Variants in TTC39B observed in about 807,000 individuals in gnomAD.
The protein encoded by TTC39B is tetratricopeptide repeat protein 39B.
Under a neutral mutation model 96.6 loss-of-function variants are expected in TTC39B, and 92 were observed. The observed-to-expected ratio is 0.95, with a 90% CI of 0.80 to 1.13. The LOEUF (loss-of-function observed/expected upper bound fraction) is 1.13, where lower values mean the gene tolerates loss of function less well. Among genes scored for constraint, TTC39B ranks in the 50% most tolerant of loss-of-function variants. The probability of loss-of-function intolerance (pLI) is 0.00; values close to 1 mark genes in which losing one functional copy is unlikely to be tolerated. For synonymous variants in TTC39B, 367 were observed against 299.4 expected (o/e 1.23, Z -2.33); for missense variants, 955 against 809.3 (o/e 1.18, Z -2.18).
chr9:15,183,240 C>G, intron 16 of TTC39B: 1 of 330,392 alleles, frequency 3.0e-6, no homozygotes, highest in Non-Finnish European at 5.9e-6. Context: ...GTATCTTTAT[C>G]TTATGGCACC....
chr9:15,175,064 C>A lies in TTC39B; in HGVS notation c.1913G>T (p.Ser638Ile), dbSNP rs141433250. Residue 638 changes from serine to isoleucine, a missense_variant, in exon 19 of 20, where the codon AGC becomes ATC. Physicochemically the swap from Ser to Ile is moderately radical, Grantham distance 142. Coordinates refer to ENST00000512701, the Ensembl canonical transcript of TTC39B. ...TATGGCCTTGTCAATTTCCCCCTGG[C>A]TTTTATACAAAGATGCCAATTCAAA... 6.7e-5 allele frequency: 108 copies of A among 1,613,610 alleles called. 2 individuals carry two copies. In the Middle Eastern group the frequency reaches 1.2e-3, roughly 17 times the overall value.
At chr9:15,191,947 C>G (rs998370728) in intron 9 of TTC39B, among the ~76,000 whole-genome samples, 2 of 152,150 alleles carry the variant, frequency 1.3e-5, no homozygotes, top group African/African-American at 4.8e-5. Context: ...CATGTGGATA[C>G]ACACCAAAGG....
intron 2 of TTC39B, among the ~76,000 whole-genome samples, chr9:15,264,757 A>G (rs1823068363): frequency 6.7e-6 from 1 of 149,942 alleles, no homozygotes; most frequent in Admixed American, 6.7e-5. Context: ...ATCTTATAAC[A>G]TCATGTTGTA....
intron 1 of TTC39B, among the ~76,000 whole-genome samples, chr9:15,281,946 G>C (rs983607962): frequency 1.3e-5 from 2 of 152,054 alleles, no homozygotes; most frequent in Non-Finnish European, 2.9e-5. Context: ...CCAAAGTGTT[G>C]AGATTACAGG....
rs568385745 is a variant in TTC39B, at chr9:15,233,677, G to A, written c.276-7665C>T. Among the ~76,000 whole-genome samples, 6 of 152,328 alleles carry A rather than the reference G, an allele frequency of 3.9e-5. 1 individual carries two copies. The South Asian group carries it at 1.2e-3, about 32-fold the overall frequency. On this transcript the variant is annotated intron_variant, in intron 2 of 19. Coordinates refer to ENST00000512701, the Ensembl canonical transcript of TTC39B. ...TCAGTGCTCAATGGTGCCCAGGCTG[G>A]AGTGCAGTGGCGTGATCTCGGCTCG...
Position 15,262,650 on chromosome 9 carries a change from G to A in TTC39B, c.275+5264C>T, listed in dbSNP as rs114539894. Reference sequence around the variant, plus strand: ...TCCAGAGGTAGGAAAAATCTGTGTTGAGAGTGGTAAATTCATTAGGCAGAA... The same window carrying A: ...TCCAGAGGTAGGAAAAATCTGTGTTAAGAGTGGTAAATTCATTAGGCAGAA... On this transcript the variant is annotated intron_variant, in intron 2 of 19. Transcript: ENST00000512701. Among the ~76,000 whole-genome samples, 725 of 152,210 alleles carry A rather than the reference G, an allele frequency of 4.8e-3. 11 individuals are homozygous for A. The highest frequency in any genetic ancestry group is 0.016 in the African/African-American group (677 of 41,538).
At chr9:15,178,173 G>T (rs1818060183) in intron 17 of TTC39B, among the ~76,000 whole-genome samples, 1 of 151,996 alleles carries the variant, frequency 6.6e-6, no homozygotes, top group African/African-American at 2.4e-5. Context: ...CCGGCCTTAA[G>T]ATCTTAATTA....
intron 2 of TTC39B, among the ~76,000 whole-genome samples, chr9:15,265,350 C>T (rs962598227): frequency 6.6e-6 from 1 of 152,188 alleles, no homozygotes; most frequent in Non-Finnish European, 1.5e-5. Context: ...CAGTGAGACC[C>T]GTCCTCCTCT....
intron 1 of TTC39B, among the ~76,000 whole-genome samples, chr9:15,273,925 G>T (rs1240326372): frequency 6.6e-6 from 1 of 152,180 alleles, no homozygotes; most frequent in Admixed American, 6.5e-5. Flanking sequence ...AGGTTCTACG[G>T]AATACAAACA....
At chr9:15,274,793 T>G (rs1215782623) in intron 1 of TTC39B, among the ~76,000 whole-genome samples, 4 of 152,208 alleles carry the variant, frequency 2.6e-5, no homozygotes, top group African/African-American at 9.7e-5. Context: ...TTTTAGATTT[T>G]TTTAATAGAC....
intron 8 of TTC39B, among the ~76,000 whole-genome samples, chr9:15,198,673 G>A (rs943679548): frequency 4.0e-5 from 6 of 151,566 alleles, no homozygotes; most frequent in Non-Finnish European, 8.8e-5. Context: ...TGTTATTAAA[G>A]CAAAAGAAGA....
exon 9 of TTC39B, chr9:15,192,624 C>T (rs778037562): frequency 1.2e-6 from 2 of 1,614,072 alleles, no homozygotes; most frequent in South Asian, 2.2e-5. Flanking sequence ...CTTGACACCC[C>T]CTTCAAACTC....
At chr9:15,293,125 CTA>C (rs1276624738) in intron 1 of TTC39B, among the ~76,000 whole-genome samples, 1 of 152,120 alleles carries the variant, frequency 6.6e-6, no homozygotes, top group Non-Finnish European at 1.5e-5. Context: ...TGTGCCTTTT[CTA>C]TGTTTAGATA....
chr9:15,294,470 T>A (rs1414113915), intron 1 of TTC39B, among the ~76,000 whole-genome samples: 1 of 152,252 alleles, frequency 6.6e-6, no homozygotes, highest in Non-Finnish European at 1.5e-5. Context: ...CAACACCATT[T>A]ATGTGTCAGC....
chr9:15,190,778 G>A lies in TTC39B; in HGVS notation c.997-116C>T, dbSNP rs562051193. ...TACAAGTACAGATTTCATATATTAC[G>A]CTGTGGTGAAGTCTGGGCTTTTAGT... On this transcript the variant is annotated intron_variant, in intron 10 of 19. Transcript: ENST00000512701. 2.0e-4 allele frequency: 164 copies of A among 820,878 alleles called. 1 individual carries two copies. In the South Asian group the frequency reaches 2.3e-3, roughly 11 times the overall value. 50.8% of individuals were successfully genotyped at this position (820,878 alleles called of 1,614,324 possible). A position where few individuals can be genotyped will look rare whatever the true frequency, so the allele number is the denominator to read the frequency against.
intron 3 of TTC39B, among the ~76,000 whole-genome samples, chr9:15,222,269 C>G (rs907936854): frequency 8.5e-5 from 13 of 152,154 alleles, no homozygotes; most frequent in Non-Finnish European, 1.5e-5. Flanking sequence ...GTCCTGCATT[C>G]TTTTTTTAAA....
chr9:15,243,491 C>A (rs777888082), intron 2 of TTC39B, among the ~76,000 whole-genome samples: 1 of 152,188 alleles, frequency 6.6e-6, no homozygotes, highest in Non-Finnish European at 1.5e-5. Context: ...CTGGTCATCG[C>A]CCCTGCAAGG....
rs565613789 is a variant in TTC39B at position 15,237,055 on chromosome 9, C to G, written c.276-11043G>C. ...ACTGGCTGGGCACAGTGGCTCATGC[C>G]TGTAATCCCAGCACTTTGGGAGGCC... On this transcript the variant is annotated intron_variant, in intron 2 of 19. Coordinates refer to ENST00000512701, the Ensembl canonical transcript of TTC39B. Among the ~76,000 whole-genome samples, 25 of 152,242 alleles carry G rather than the reference C, an allele frequency of 1.6e-4. No individual in the cohort carries two copies. In the South Asian group the frequency reaches 2.9e-3, roughly 18 times the overall value.
At chr9:15,192,374 A>C (rs1389852028) in intron 9 of TTC39B, among the ~76,000 whole-genome samples, 1 of 152,160 alleles carries the variant, frequency 6.6e-6, no homozygotes, top group Non-Finnish European at 1.5e-5. Flanking sequence ...AGAGTACCAC[A>C]CGCTTCCCTT....
Sources: gnomAD v4.1 joint callset for allele counts (sites outside exome capture counted in the v4.1 genomes callset) on GRCh38, gnomAD v4.1.1 for gene constraint, MANE v1.5 for transcripts, NCBI Gene and HGNC (gene_info 2026-07-23, HGNC 2026-07-21) for gene names.